Variants in ANO10 observed in about 807,000 individuals in gnomAD.
The protein encoded by ANO10 is anoctamin 10, also known as anoctamin-10.
Under a neutral mutation model 74.7 loss-of-function variants are expected in ANO10, and 77 were observed. The observed-to-expected ratio is 1.03, with a 90% CI of 0.86 to 1.25. The LOEUF is 1.25. Ranked by LOEUF, ANO10 falls within the 50% of genes most tolerant of loss-of-function variation. The pLI is 0.00. For synonymous variants in ANO10, 279 were observed against 284.9 expected (o/e 0.98, Z 0.21); for missense variants, 721 against 778.1 (o/e 0.93, Z 0.87).
At chr3:43,534,500 G>A (rs554157137) in intron 11 of ANO10, among the ~76,000 whole-genome samples, 9 of 151,792 alleles carry the variant, frequency 5.9e-5, no homozygotes, top group African/African-American at 1.5e-4. Flanking sequence ...AAGAGAGAAC[G>A]GGAGACAGAG....
intron 12 of ANO10, among the ~76,000 whole-genome samples, chr3:43,402,614 T>C (rs771096001): frequency 2.0e-5 from 3 of 152,106 alleles, no homozygotes; most frequent in Non-Finnish European, 4.4e-5. Context: ...GAAGGAATCC[T>C]GGTCTTTTCC....
intron 1 of ANO10, among the ~76,000 whole-genome samples, chr3:43,614,052 T>C (rs1291738707): frequency 2.0e-5 from 3 of 152,104 alleles, no homozygotes; most frequent in Non-Finnish European, 4.4e-5. Context: ...GAAGAATAAC[T>C]ATGCGTGAAA....
At chr3:43,627,016 G>A (rs2083498919) in intron 1 of ANO10, among the ~76,000 whole-genome samples, 1 of 139,812 alleles carries the variant, frequency 7.2e-6, no homozygotes, top group Non-Finnish European at 1.5e-5. Flanking sequence ...TTCATCCAAG[G>A]TGACCATGTA....
At position 43,580,349 on chromosome 3, in the gene ANO10, A is replaced by G. The variant is rs2081207574; in HGVS notation, c.592+4T>C. ...TCTTTAAGAGAACAAGTACTGACAC[A>G]TACCTATGGGCTGATACTTCAAAGC... On this transcript the variant is annotated splice_donor_region_variant and intron_variant, in intron 5 of 12. Coordinates refer to ENST00000292246, the MANE Select transcript of ANO10 (RefSeq NM_018075.5). 1 of 1,613,780 alleles carries G rather than the reference A, an allele frequency of 6.2e-7. No homozygotes were observed. The highest frequency in any genetic ancestry group is 8.5e-7 in the Non-Finnish European group (1 of 1,179,822).
At chr3:43,543,537 C>T (rs957445727) in intron 11 of ANO10, among the ~76,000 whole-genome samples, 5 of 152,244 alleles carry the variant, frequency 3.3e-5, no homozygotes, top group East Asian at 1.9e-4. Context: ...TACAGGCGCC[C>T]GCCACAGCGC....
At chr3:43,651,088 C>A (rs1031022001) in intron 1 of ANO10, among the ~76,000 whole-genome samples, 1 of 152,054 alleles carries the variant, frequency 6.6e-6, no homozygotes, top group African/African-American at 2.4e-5. Flanking sequence ...AAAACTGTTT[C>A]TTTTGGGGGA....
chr3:43,487,548 G>A (rs965025491), intron 11 of ANO10, among the ~76,000 whole-genome samples: 6 of 151,904 alleles, frequency 3.9e-5, no homozygotes, highest in African/African-American at 1.2e-4. Flanking sequence ...TGTATGTGTC[G>A]AGGAATTTAT....
chr3:43,394,741 G>A (rs914431242), intron 12 of ANO10, among the ~76,000 whole-genome samples: 2 of 152,160 alleles, frequency 1.3e-5, no homozygotes, highest in Non-Finnish European at 2.9e-5. Context: ...GGGTGGAGGG[G>A]TGGGGGTGCA....
chr3:43,430,528 T>C (rs189243959), intron 12 of ANO10, among the ~76,000 whole-genome samples: 66 of 152,232 alleles, frequency 4.3e-4, no homozygotes, highest in African/African-American at 1.5e-3. Flanking sequence ...CATCAAACTG[T>C]GTAACAAATA....
At chr3:43,562,081 T>C (rs2080063603) in intron 8 of ANO10, among the ~76,000 whole-genome samples, 1 of 152,066 alleles carries the variant, frequency 6.6e-6, no homozygotes, top group African/African-American at 2.4e-5. Flanking sequence ...ACTAAGAATG[T>C]ATATTGAGGC....
intron 11 of ANO10, among the ~76,000 whole-genome samples, chr3:43,518,431 T>C (rs2077804137): frequency 6.6e-6 from 1 of 152,136 alleles, no homozygotes; most frequent in Admixed American, 6.5e-5. Flanking sequence ...ACAAATTGTT[T>C]GTAGAGCATG....
At chr3:43,684,359 T>C (rs766618029) in intron 1 of ANO10, among the ~76,000 whole-genome samples, 38 of 152,296 alleles carry the variant, frequency 2.5e-4, no homozygotes, top group Non-Finnish European at 4.1e-4. Flanking sequence ...ATCAGAGAAA[T>C]GCAAATCAAA....
intron 12 of ANO10, among the ~76,000 whole-genome samples, chr3:43,374,269 T>A (rs1241713275): frequency 1.3e-5 from 2 of 152,366 alleles, no homozygotes; most frequent in South Asian, 4.1e-4. Flanking sequence ...TAACTTTTAA[T>A]GTCTGTTATA....
intron 1 of ANO10, among the ~76,000 whole-genome samples, chr3:43,662,640 A>T (rs1380896802): frequency 6.6e-6 from 1 of 152,198 alleles, no homozygotes; most frequent in African/African-American, 2.4e-5. Context: ...AACAAAATAG[A>T]CCGCTACCAA....
At chr3:43,510,384 T>C (rs1033903468) in intron 11 of ANO10, among the ~76,000 whole-genome samples, 3 of 151,206 alleles carry the variant, frequency 2.0e-5, no homozygotes, top group Non-Finnish European at 4.4e-5. Context: ...TGAGCCGAGA[T>C]TGTGCCATTG....
chr3:43,546,859 G>T (rs1428404856), intron 11 of ANO10, among the ~76,000 whole-genome samples: 2 of 151,020 alleles, frequency 1.3e-5, no homozygotes, highest in African/African-American at 4.9e-5. Flanking sequence ...AGAGAGAGTG[G>T]GGCTGAAAGA....
intron 11 of ANO10, among the ~76,000 whole-genome samples, chr3:43,466,212 A>T (rs534632498): frequency 1.1e-4 from 16 of 151,918 alleles, no homozygotes; most frequent in African/African-American, 3.9e-4. Context: ...CTCTACTAAA[A>T]TACAAAAAAT....
intron 11 of ANO10, among the ~76,000 whole-genome samples, chr3:43,509,603 A>T: frequency 6.6e-6 from 1 of 152,240 alleles, no homozygotes; most frequent in East Asian, 1.9e-4. Context: ...TGGTGGGAAT[A>T]TAAAATGGTA....
At chr3:43,450,912 G>C (rs899237702) in intron 11 of ANO10, among the ~76,000 whole-genome samples, 1 of 152,118 alleles carries the variant, frequency 6.6e-6, no homozygotes, top group African/African-American at 2.4e-5. Context: ...TCTATAAATG[G>C]ATTAGGTATC....
Sources: gnomAD v4.1 joint callset for allele counts (sites outside exome capture counted in the v4.1 genomes callset) on GRCh38, gnomAD v4.1.1 for gene constraint, MANE v1.5 for transcripts, NCBI Gene and HGNC (gene_info 2026-07-23, HGNC 2026-07-21) for gene names.